COL5A2: variants seen among roughly 807,000 people sequenced by gnomAD.
The protein encoded by COL5A2 is collagen type V alpha 2 chain.
In COL5A2, 23 loss-of-function variants were observed where a neutral mutation model predicts 208.2. That is an observed-to-expected ratio of 0.11 (90% CI 0.08 to 0.16). The LOEUF (loss-of-function observed/expected upper bound fraction) is 0.16. Among genes scored for constraint, COL5A2 ranks in the 10% least tolerant of loss-of-function variants. The probability of loss-of-function intolerance (pLI) is 1.00; values close to 1 mark genes in which losing one functional copy is unlikely to be tolerated. For missense variants in COL5A2, 1,590 were observed against 1,956.4 expected (o/e 0.81, Z 3.53); for synonymous variants, 625 against 628.5 (o/e 0.99, Z 0.08).
the COL5A2 span, among the ~76,000 whole-genome samples, chr2:189,316,512 T>TA: frequency 4.0e-5 from 6 of 149,996 alleles, no homozygotes; most frequent in Admixed American, 6.7e-5. Context: ...AATTAAAATG[T>TA]AAAAAAAAAT....
chr2:189,244,696 G>C, the COL5A2 span, among the ~76,000 whole-genome samples: 1 of 152,174 alleles, frequency 6.6e-6, no homozygotes, highest in African/African-American at 2.4e-5. Flanking sequence ...GTCTTCTTCT[G>C]AGTCCTCCAA....
At chr2:189,408,332 A>G in the COL5A2 span, among the ~76,000 whole-genome samples, 4 of 152,178 alleles carry the variant, frequency 2.6e-5, no homozygotes, top group African/African-American at 9.7e-5. Context: ...AATATAAACC[A>G]TAGTGCTTGG....
At chr2:189,227,686 C>A (rs573839041), upstream of COL5A2, among the ~76,000 whole-genome samples, 283 of 151,898 alleles carry the variant, frequency 1.9e-3, 1 homozygote, top group African/African-American at 6.4e-3. Context: ...TATATGCAAC[C>A]AATATAGAGC....
At chr2:189,342,197 C>CGT in the COL5A2 span, among the ~76,000 whole-genome samples, 88 of 135,544 alleles carry the variant, frequency 6.5e-4, 1 homozygote, top group African/African-American at 2.3e-3. Context: ...CTAGTGTGCT[C>CGT]TTTTTTTTTT....
At chr2:189,153,214 G>C (rs1056638473) in intron 1 of COL5A2, among the ~76,000 whole-genome samples, 12 of 151,982 alleles carry the variant, frequency 7.9e-5, no homozygotes, top group African/African-American at 2.9e-4. Flanking sequence ...TTTCCTAACT[G>C]GGCAAAAAAC....
intron 1 of COL5A2, among the ~76,000 whole-genome samples, chr2:189,216,393 T>G (rs1234817281): frequency 6.6e-6 from 1 of 152,016 alleles, no homozygotes; most frequent in Non-Finnish European, 1.5e-5. Context: ...ATTCAACAAC[T>G]CACTAACTCA....
chr2:189,298,554 T>C, the COL5A2 span, among the ~76,000 whole-genome samples: 6 of 152,132 alleles, frequency 3.9e-5, no homozygotes, highest in African/African-American at 1.4e-4. Context: ...CACCAGATGG[T>C]GGGAGTGCAG....
the COL5A2 span, among the ~76,000 whole-genome samples, chr2:189,255,863 T>G: frequency 1.9e-3 from 286 of 152,268 alleles, no homozygotes; most frequent in Middle Eastern, 3.4e-3. Context: ...ATAAAGGAAG[T>G]AGCACATGAG....
intron 1 of COL5A2, among the ~76,000 whole-genome samples, chr2:189,147,668 G>A (rs1688065734): frequency 6.6e-6 from 1 of 152,074 alleles, no homozygotes; most frequent in Non-Finnish European, 1.5e-5. Context: ...TTCTTCAGGT[G>A]GAAAAATTCA....
chr2:189,282,356 T>C, the COL5A2 span, among the ~76,000 whole-genome samples: 1 of 152,158 alleles, frequency 6.6e-6, no homozygotes, highest in African/African-American at 2.4e-5. Context: ...AATATTCAAA[T>C]TGTTTCCCAG....
At chr2:189,068,370 A>T (rs1426918640) in intron 19 of COL5A2, 100 bp from the exon 20 acceptor site, 1 of 1,073,180 alleles carries the variant, frequency 9.3e-7, no homozygotes, top group Non-Finnish European at 1.4e-6. Flanking sequence ...AAGGAAGTAG[A>T]AGCATTTTTT....
chr2:189,092,878 C>T (rs940414825), intron 6 of COL5A2, among the ~76,000 whole-genome samples: 3 of 152,192 alleles, frequency 2.0e-5, no homozygotes, highest in African/African-American at 7.2e-5. Flanking sequence ...TCAAGAATCC[C>T]TTGATTGGAG....
the COL5A2 span, among the ~76,000 whole-genome samples, chr2:189,280,853 C>T: frequency 6.6e-6 from 1 of 151,960 alleles, no homozygotes; most frequent in East Asian, 1.9e-4. Flanking sequence ...TTTGGACTCA[C>T]CTGAACTCTT....
At chr2:189,198,600 A>G (rs116417165) in intron 1 of COL5A2, among the ~76,000 whole-genome samples, 1,852 of 152,286 alleles carry the variant, frequency 0.012, 16 homozygotes, top group Non-Finnish European at 0.019. Flanking sequence ...GTCATTTATC[A>G]GACACCTTCA....
chr2:189,199,519 C>G (rs1476195956), intron 1 of COL5A2, among the ~76,000 whole-genome samples: 1 of 152,166 alleles, frequency 6.6e-6, no homozygotes, highest in Non-Finnish European at 1.5e-5. Flanking sequence ...ACACCCACTA[C>G]AAGCAAACAG....
intron 47 of COL5A2, among the ~76,000 whole-genome samples, chr2:189,043,713 A>C (rs1207886929): frequency 6.6e-6 from 1 of 152,220 alleles, no homozygotes; most frequent in East Asian, 1.9e-4. Flanking sequence ...TATGCAAATA[A>C]ACTAGCTGGC....
At chr2:189,438,762 A>G in the COL5A2 span, among the ~76,000 whole-genome samples, 1 of 152,222 alleles carries the variant, frequency 6.6e-6, no homozygotes, top group Non-Finnish European at 1.5e-5. Flanking sequence ...TAATTTGTGC[A>G]TCATAGATAT....
intron 17 of COL5A2, 119 bp downstream of exon 17, chr2:189,075,273 CA>C (rs1312976588): frequency 8.5e-6 from 6 of 701,802 alleles, no homozygotes; most frequent in Non-Finnish European, 1.6e-5. Flanking sequence ...ACTATGTGTC[CA>C]TCAACTTTTT....
chr2:189,431,484 T>C, the COL5A2 span, among the ~76,000 whole-genome samples: 1 of 151,970 alleles, frequency 6.6e-6, no homozygotes, highest in Non-Finnish European at 1.5e-5. Context: ...GAATAAACAA[T>C]GTAGAGAAGA....
Sources: gnomAD v4.1 joint callset for allele counts (sites outside exome capture counted in the v4.1 genomes callset) on GRCh38, gnomAD v4.1.1 for gene constraint, MANE v1.5 for transcripts, NCBI Gene and HGNC (gene_info 2026-07-23, HGNC 2026-07-21) for gene names.